Variants in TMEM117 observed in about 807,000 individuals in gnomAD.
TMEM117 encodes transmembrane protein 117.
TMEM117 carries 27 observed loss-of-function variants against 52.4 expected under a neutral mutation model. The ratio of observed to expected loss-of-function variants is 0.51; its 90% confidence interval spans 0.38 to 0.71. TMEM117 has a LOEUF of 0.71. Among genes scored for constraint, TMEM117 ranks in the 30% least tolerant of loss-of-function variants. The pLI is 0.00. For missense variants in TMEM117, 556 were observed against 630.5 expected (o/e 0.88, Z 1.26); for synonymous variants, 215 against 206.3 (o/e 1.04, Z -0.36).
chr12:43,996,932 T>TA (rs1283053392), intron 3 of TMEM117, among the ~76,000 whole-genome samples: 1 of 152,132 alleles, frequency 6.6e-6, no homozygotes, highest in Non-Finnish European at 1.5e-5. Context: ...AAGAGGAAAT[T>TA]AAGTTGACAA....
chr12:44,034,480 G>A (rs1029323307), intron 3 of TMEM117, among the ~76,000 whole-genome samples: 29 of 152,294 alleles, frequency 1.9e-4, no homozygotes, highest in South Asian at 1.9e-3. Flanking sequence ...TAAAATATAT[G>A]TGTGATGTTT....
At position 43,974,568 on chromosome 12, in the gene TMEM117, A is replaced by T. The variant is rs190276284; in HGVS notation, c.410+30226A>T. On this transcript the variant is annotated intron_variant, in intron 3 of 7. Transcript: ENST00000266534. The stretch of plus-strand genomic sequence containing the variant: ...GATCGGTTAACACCTGATAGTGAGA[A>T]GACTGCTCCTTGGAATTTCTGTTTT... Among the ~76,000 whole-genome samples, 10 of 152,252 alleles carry T rather than the reference A, an allele frequency of 6.6e-5. No homozygotes were observed. In the East Asian group the frequency reaches 1.7e-3, roughly 26 times the overall value.
At chr12:43,901,706 G>A (rs117334456) in intron 2 of TMEM117, among the ~76,000 whole-genome samples, 1,793 of 152,244 alleles carry the variant, frequency 0.012, 12 homozygotes, top group Non-Finnish European at 0.02. Flanking sequence ...GCATCACAGC[G>A]CTACTAACCA....
intron 6 of TMEM117, among the ~76,000 whole-genome samples, chr12:44,304,238 C>T (rs937406716): frequency 2.0e-5 from 3 of 152,136 alleles, no homozygotes; most frequent in African/African-American, 7.2e-5. Flanking sequence ...GAACTTAGTG[C>T]TGCCTGTCAT....
intron 7 of TMEM117, among the ~76,000 whole-genome samples, chr12:44,384,370 G>A (rs1319114851): frequency 1.3e-5 from 2 of 152,100 alleles, no homozygotes; most frequent in Admixed American, 6.6e-5. Context: ...AGGGAAATGT[G>A]ATATGAATAG....
intron 6 of TMEM117, among the ~76,000 whole-genome samples, chr12:44,325,749 T>C (rs1951186481): frequency 6.6e-6 from 1 of 152,126 alleles, no homozygotes; most frequent in Admixed American, 6.6e-5. Context: ...ACCTGATATG[T>C]GTGTGTTTAT....
chr12:44,285,147 C>G (rs993684672), intron 5 of TMEM117, among the ~76,000 whole-genome samples: 1 of 152,142 alleles, frequency 6.6e-6, no homozygotes, highest in Non-Finnish European at 1.5e-5. Context: ...ACCAAATGCT[C>G]CAACCCAGAC....
intron 3 of TMEM117, among the ~76,000 whole-genome samples, chr12:43,994,793 C>T (rs1322942909): frequency 2.0e-5 from 3 of 152,058 alleles, no homozygotes; most frequent in South Asian, 2.1e-4. Flanking sequence ...AAATGGTCTT[C>T]GTTGGACTGG....
chr12:44,056,095 T>C (rs1041436713), intron 3 of TMEM117, among the ~76,000 whole-genome samples: 1 of 152,110 alleles, frequency 6.6e-6, no homozygotes, highest in Non-Finnish European at 1.5e-5. Context: ...TTCTCTTCTT[T>C]TCCTTTTTTT....
intron 3 of TMEM117, among the ~76,000 whole-genome samples, chr12:43,957,291 T>G (rs1019600300): frequency 5.3e-5 from 8 of 151,966 alleles, no homozygotes; most frequent in African/African-American, 1.9e-4. Flanking sequence ...ATCCTGCACA[T>G]GTACCCCAGA....
At chr12:43,854,628 T>TTTTATTTA (rs199865737) in intron 2 of TMEM117, among the ~76,000 whole-genome samples, 2 of 151,930 alleles carry the variant, frequency 1.3e-5, no homozygotes, top group East Asian at 1.9e-4. Context: ...AAAATTTTAT[T>TTTTATTTA]TTTATTTATT....
chr12:44,103,297 G>T (rs1175381893), intron 3 of TMEM117, among the ~76,000 whole-genome samples: 1 of 150,096 alleles, frequency 6.7e-6, no homozygotes, highest in Non-Finnish European at 1.5e-5. Context: ...TAACTATAAA[G>T]TTCCTTCATT....
At position 43,995,058 on chromosome 12, in the gene TMEM117, C is replaced by A. The variant is rs576739817; in HGVS notation, c.410+50716C>A. On this transcript the variant is annotated intron_variant, in intron 3 of 7. Transcript: ENST00000266534. ...TTGGGAGGCTGAGGCGGGTGGATCA[C>A]GAGGTCAGGAGATCGAGATCATGCT... is the stretch of plus-strand genomic sequence containing the variant. Among the ~76,000 whole-genome samples the A allele has an allele frequency of 1.3e-4, 20 of 152,084 alleles. 1 individual carries two copies. The highest frequency in any genetic ancestry group is 4.8e-4 in the African/African-American group (20 of 41,488).
chr12:43,831,508 T>G (rs1338468304), upstream of TMEM117, among the ~76,000 whole-genome samples: 1 of 151,354 alleles, frequency 6.6e-6, no homozygotes, highest in Non-Finnish European at 1.5e-5. Context: ...ACATGTGAGG[T>G]GAACGGAAAA....
chr12:44,247,307 A>G (rs930589231), intron 5 of TMEM117, among the ~76,000 whole-genome samples: 14 of 152,182 alleles, frequency 9.2e-5, no homozygotes, highest in African/African-American at 3.4e-4. Context: ...TTATAATACC[A>G]CCGATTAAAT....
intron 3 of TMEM117, among the ~76,000 whole-genome samples, chr12:44,001,723 G>A (rs1208811598): frequency 6.6e-6 from 1 of 152,004 alleles, no homozygotes; most frequent in African/African-American, 2.4e-5. Context: ...TCCAGGGCAA[G>A]GCGAAGTAAG....
intron 3 of TMEM117, among the ~76,000 whole-genome samples, chr12:44,114,325 G>A (rs923914291): frequency 1.3e-5 from 2 of 152,018 alleles, no homozygotes; most frequent in Non-Finnish European, 2.9e-5. Context: ...GTTCATAATG[G>A]CAACCAAAAA....
At chr12:43,928,042 C>T (rs1944809316) in intron 2 of TMEM117, among the ~76,000 whole-genome samples, 1 of 151,808 alleles carries the variant, frequency 6.6e-6, no homozygotes, top group Non-Finnish European at 1.5e-5. Flanking sequence ...CTCCTTCACT[C>T]CTCTACTAGG....
intron 3 of TMEM117, among the ~76,000 whole-genome samples, chr12:44,091,761 C>A (rs34621645): frequency 0.029 from 4,437 of 152,240 alleles, 104 homozygotes; most frequent in Admixed American, 0.038. Flanking sequence ...TATATTTACC[C>A]AAGGGAAACT....
Sources: allele counts gnomAD v4.1 joint callset (sites outside exome capture counted in the v4.1 genomes callset), GRCh38; gene constraint gnomAD v4.1.1; transcripts MANE v1.5; gene names NCBI Gene and HGNC (gene_info 2026-07-23, HGNC 2026-07-21).